The following PTDSS1 variants were observed in gnomAD, a reference collection of about 807,000 sequenced individuals.
The protein encoded by PTDSS1 is PSS-1.
Under a neutral mutation model 70.5 loss-of-function variants are expected in PTDSS1, and 45 were observed. That is an observed-to-expected ratio of 0.64 (90% CI 0.50 to 0.82). The LOEUF is 0.82. PTDSS1 is among the 40% of genes least tolerant of loss of function. The probability of loss-of-function intolerance (pLI) is 0.00; values close to 1 mark genes in which losing one functional copy is unlikely to be tolerated. For synonymous variants in PTDSS1, 188 were observed against 203.8 expected, an observed-to-expected ratio of 0.92 and a Z score of 0.66; for missense variants, 417 against 586.1, an observed-to-expected ratio of 0.71 and a Z score of 2.98.
At chr8:96,315,077 G>A (rs1341776739) in intron 9 of PTDSS1, among the ~76,000 whole-genome samples, 1 of 152,186 alleles carries the variant, frequency 6.6e-6, no homozygotes, top group African/African-American at 2.4e-5. Context: ...GAGCACAATA[G>A]GAATTGTATC....
chr8:96,321,961 A>G lies in PTDSS1; in HGVS notation c.1173+1616A>G, dbSNP rs550827498. Among the ~76,000 whole-genome samples the G allele has an allele frequency of 5.3e-5, 8 of 152,290 alleles. No individual in the cohort carries two copies. The East Asian group carries it at 1.3e-3, about 26-fold the overall frequency. On this transcript the variant is annotated intron_variant, in intron 10 of 12. Coordinates refer to ENST00000517309, the MANE Select transcript of PTDSS1 (RefSeq NM_014754.3). ...TCAGACATGCCCAGAGATTTTCACT[A>G]TGCTCTTCTCAGATATGTCTCTGGC... is the stretch of plus-strand genomic sequence containing the variant.
At chr8:96,301,092 A>G (rs377035686) in intron 6 of PTDSS1, among the ~76,000 whole-genome samples, 1 of 152,284 alleles carries the variant, frequency 6.6e-6, no homozygotes, top group East Asian at 1.9e-4. Flanking sequence ...ACACTTTGCC[A>G]TAAATGTGAC....
chr8:96,284,255 T>G (rs1810790092), intron 3 of PTDSS1, 102 bp downstream of exon 3: 2 of 1,090,006 alleles, frequency 1.8e-6, no homozygotes, highest in Non-Finnish European at 2.7e-6. Context: ...AGTTAAAACT[T>G]TATTCTAGCT....
intron 2 of PTDSS1, among the ~76,000 whole-genome samples, chr8:96,278,730 C>T (rs1048144839): frequency 6.6e-6 from 1 of 152,144 alleles, no homozygotes; most frequent in Non-Finnish European, 1.5e-5. Flanking sequence ...TTTCAACGGT[C>T]GACCTTCTGG....
intron 11 of PTDSS1, 26 bp from the exon 12 acceptor site, chr8:96,331,000 T>G (rs764777333): frequency 3.1e-6 from 5 of 1,593,228 alleles, no homozygotes; most frequent in Admixed American, 1.7e-5. Flanking sequence ...CTAAAATTCC[T>G]GCACTAAGCC....
chr8:96,285,219 T>C lies in PTDSS1; in HGVS notation c.316+1066T>C, dbSNP rs375030448. 2.0e-5 allele frequency among the ~76,000 whole-genome samples: 3 copies of C among 152,136 alleles called. No individual in the cohort carries two copies. In the East Asian group the frequency reaches 5.8e-4, roughly 29 times the overall value. On this transcript the variant is annotated intron_variant, in intron 3 of 12. Coordinates refer to ENST00000517309, the MANE Select transcript of PTDSS1 (RefSeq NM_014754.3). The stretch of plus-strand genomic sequence containing the variant: ...TCTGAAACTGTCATACAAAGAAGGA[T>C]CCAAGCCTGCAAAGATTCTGGGGGA...
At chr8:96,319,268 A>G (rs950753992) in intron 9 of PTDSS1, among the ~76,000 whole-genome samples, 3 of 152,152 alleles carry the variant, frequency 2.0e-5, no homozygotes, top group African/African-American at 7.2e-5. Context: ...TGGAGTGTAC[A>G]GATCTCATCT....
intron 12 of PTDSS1, among the ~76,000 whole-genome samples, chr8:96,332,017 TAAAAAAAAAAAAAAAA>T (rs59720395): frequency 1.6e-5 from 1 of 63,784 alleles, no homozygotes; most frequent in African/African-American, 5.6e-5. Flanking sequence ...CCCTGCCTCT[TAAAAAAAAAAAAAAAA>T]AAAAAAAAAA....
At chr8:96,314,940 A>G (rs1234064641) in intron 9 of PTDSS1, among the ~76,000 whole-genome samples, 22 of 152,022 alleles carry the variant, frequency 1.4e-4, no homozygotes, top group Admixed American at 1.4e-3. Context: ...TTCAAATGGC[A>G]TCTTGCCCCA....
At position 96,299,813 on chromosome 8, in the gene PTDSS1, A is replaced by G. The variant is rs747274555; in HGVS notation, c.720A>G (p.Leu240=). 1 of 1,614,088 alleles carries G rather than the reference A, an allele frequency of 6.2e-7. No homozygotes were observed. The highest frequency in any genetic ancestry group is 1.7e-5 in the Admixed American group (1 of 60,012). The change falls in exon 6 of 13, where the codon TTA becomes TTG. Residue 240 remains leucine (L), a synonymous_variant. Coordinates refer to ENST00000517309, the MANE Select transcript of PTDSS1 (RefSeq NM_014754.3). ...TGGGCATGGTCGTTTGCCGGTTTTT[A>G]GAGATGAGGACTTACCACTGGGCAA... ...IWLGMVVCRF[L]EMRTYHWASF...
chr8:96,274,203 T>C (rs955316345), intron 2 of PTDSS1, among the ~76,000 whole-genome samples: 1 of 152,132 alleles, frequency 6.6e-6, no homozygotes, highest in African/African-American at 2.4e-5. Context: ...TTAGGGGTTA[T>C]TCTCCATGGG....
intron 1 of PTDSS1, among the ~76,000 whole-genome samples, chr8:96,269,015 G>A (rs996555191): frequency 6.6e-6 from 1 of 152,190 alleles, no homozygotes; most frequent in African/African-American, 2.4e-5. Context: ...GAAATGAGGT[G>A]GGACTTGTGC....
At chr8:96,331,500 G>A (rs1314318644) in intron 12 of PTDSS1, among the ~76,000 whole-genome samples, 3 of 151,790 alleles carry the variant, frequency 2.0e-5, no homozygotes, top group Admixed American at 2.0e-4. Flanking sequence ...CTGCACTCCA[G>A]CCTGGGCAGC....
intron 6 of PTDSS1, among the ~76,000 whole-genome samples, chr8:96,302,274 T>C (rs1194338010): frequency 2.0e-5 from 3 of 152,020 alleles, no homozygotes; most frequent in Non-Finnish European, 4.4e-5. Flanking sequence ...TCAGGTGATC[T>C]GCCTTACTCG....
At chr8:96,307,656 GT>G (rs1001951316) in intron 8 of PTDSS1, among the ~76,000 whole-genome samples, 1 of 151,866 alleles carries the variant, frequency 6.6e-6, no homozygotes. Context: ...CATAAATCCT[GT>G]TTTTTCTTAA....
chr8:96,278,785 C>T (rs1376285965), intron 2 of PTDSS1, among the ~76,000 whole-genome samples: 2 of 152,130 alleles, frequency 1.3e-5, no homozygotes. Flanking sequence ...TGTTGTTCAT[C>T]CCCTTTCCAC....
chr8:96,309,046 C>A (rs1373042370), intron 8 of PTDSS1, among the ~76,000 whole-genome samples: 1 of 152,098 alleles, frequency 6.6e-6, no homozygotes, highest in Non-Finnish European at 1.5e-5. Flanking sequence ...CCAGAGGAGA[C>A]AACCAATGGA....
At position 96,318,382 on chromosome 8, in the gene PTDSS1, A is replaced by G. The variant is rs73698569; in HGVS notation, c.1074-1864A>G. On this transcript the variant is annotated intron_variant, in intron 9 of 12. Transcript: ENST00000517309. ...GAATATTCAGAAATCTTTCATAATAAACTCAGGGTGTTCTGTCCGGCTTAT... is the reference window on the plus strand; with the variant it reads ...GAATATTCAGAAATCTTTCATAATAGACTCAGGGTGTTCTGTCCGGCTTAT... Among the ~76,000 whole-genome samples, 637 of 152,238 alleles carry G rather than the reference A, an allele frequency of 4.2e-3. 8 individuals are homozygous for G. Among genetic ancestry groups the G allele is most frequent in the African/African-American group, 0.014 (586 of 41,530 alleles).
intron 1 of PTDSS1, among the ~76,000 whole-genome samples, chr8:96,271,819 A>AT (rs1400089275): frequency 6.6e-6 from 1 of 152,094 alleles, no homozygotes; most frequent in Admixed American, 6.6e-5. Flanking sequence ...AGAGCCTTAG[A>AT]TTTTTTACTC....
Sources: gnomAD v4.1 joint callset for allele counts (sites outside exome capture counted in the v4.1 genomes callset) on GRCh38, gnomAD v4.1.1 for gene constraint, MANE v1.5 for transcripts, NCBI Gene and HGNC (gene_info 2026-07-23, HGNC 2026-07-21) for gene names.